SNX27: variants seen among roughly 807,000 people sequenced by gnomAD.
SNX27 encodes the protein sorting nexin 27.
Under a neutral mutation model 71.6 loss-of-function variants are expected in SNX27, and 22 were observed. The observed-to-expected ratio is 0.31, with a 90% CI of 0.22 to 0.44. The LOEUF (loss-of-function observed/expected upper bound fraction) is 0.44, where lower values mean the gene tolerates loss of function less well. SNX27 is among the 20% of genes least tolerant of loss of function. The pLI is 1.00. For synonymous variants in SNX27, 269 were observed against 277.2 expected (o/e 0.97, Z 0.29); for missense variants, 531 against 698.6 (o/e 0.76, Z 2.70).
Position 151,639,027 on chromosome 1 carries a change from G to C in SNX27, c.451G>C (p.Gly151Arg), listed in dbSNP as rs368126132. Reference sequence around the variant, plus strand: ...CCTAGATCCCAGTGACGACTCGTTGGGACAATCATTTTATGATTACACAGA... The same window carrying C: ...CCTAGATCCCAGTGACGACTCGTTGCGACAATCATTTTATGATTACACAGA... ...DNLDPSDDSL[G>R]QSFYDYTEKQ... The change falls in exon 2 of 12, where the codon GGA (glycine) becomes CGA (arginine). Residue 151 changes from glycine (G) to arginine (R), a missense_variant. By Grantham distance (125) the Gly-to-Arg change is moderately radical. Coordinates refer to ENST00000458013, the MANE Select transcript of SNX27 (RefSeq NM_001330723.2). 1 of 1,614,084 alleles carries C rather than the reference G, an allele frequency of 6.2e-7. No individual in the cohort carries two copies. Among genetic ancestry groups the C allele is most frequent in the Non-Finnish European group, 8.5e-7 (1 of 1,180,036 alleles).
At chr1:151,648,886 T>G (rs1283863461) in intron 2 of SNX27, among the ~76,000 whole-genome samples, 1 of 152,196 alleles carries the variant, frequency 6.6e-6, no homozygotes, top group Non-Finnish European at 1.5e-5. Flanking sequence ...AAGTCTTCAT[T>G]TCACCTTTAT....
chr1:151,680,161 T>C (rs1311737457), intron 7 of SNX27: 1 of 150,842 alleles, frequency 6.6e-6, no homozygotes, highest in South Asian at 2.1e-4. Flanking sequence ...TCTTTTTTTT[T>C]TTTTTTTTGA....
intron 2 of SNX27, among the ~76,000 whole-genome samples, chr1:151,646,840 T>TGC (rs1558050310): frequency 1.3e-5 from 2 of 151,528 alleles, no homozygotes; most frequent in African/African-American, 4.8e-5. Flanking sequence ...TCTGTGTGTG[T>TGC]GCGTGTGTCA....
intron 7 of SNX27, among the ~76,000 whole-genome samples, chr1:151,680,619 C>T (rs1485145207): frequency 6.6e-6 from 1 of 152,062 alleles, no homozygotes; most frequent in Non-Finnish European, 1.5e-5. Flanking sequence ...TAGTTCTAGG[C>T]GTTAGGGGTA....
chr1:151,683,158 C>A (rs1671043747), intron 7 of SNX27, among the ~76,000 whole-genome samples, 198 bp from the exon 8 acceptor site: 1 of 152,152 alleles, frequency 6.6e-6, no homozygotes, highest in Admixed American at 6.6e-5. Flanking sequence ...CATATGGGGA[C>A]TACAATTTGA....
At chr1:151,651,932 G>C (rs554701730) in intron 2 of SNX27, among the ~76,000 whole-genome samples, 1 of 152,188 alleles carries the variant, frequency 6.6e-6, no homozygotes, top group East Asian at 1.9e-4. Flanking sequence ...GAGTGAACGA[G>C]ACTCCGTCTG....
chr1:151,622,148 AT>A (rs1667703518), intron 1 of SNX27, among the ~76,000 whole-genome samples: 1 of 152,200 alleles, frequency 6.6e-6, no homozygotes, highest in African/African-American at 2.4e-5. Flanking sequence ...AATTGCTCAA[AT>A]TTAATTTGGA....
chr1:151,668,135 G>A (rs1023485911), intron 6 of SNX27, among the ~76,000 whole-genome samples: 2 of 152,212 alleles, frequency 1.3e-5, no homozygotes, highest in African/African-American at 4.8e-5. Flanking sequence ...CACCTATGGT[G>A]TGTGTAGAGA....
intron 2 of SNX27, among the ~76,000 whole-genome samples, chr1:151,656,753 C>G (rs1254886994): frequency 6.6e-6 from 1 of 152,086 alleles, no homozygotes; most frequent in Non-Finnish European, 1.5e-5. Flanking sequence ...AACAAACGAG[C>G]AACTATGATA....
At chr1:151,663,846 AAATG>A (rs1187444628) in intron 5 of SNX27, among the ~76,000 whole-genome samples, 1 of 152,186 alleles carries the variant, frequency 6.6e-6, no homozygotes, top group Non-Finnish European at 1.5e-5. Flanking sequence ...ATCTTTGATC[AAATG>A]AATCGATCCA....
intron 7 of SNX27, among the ~76,000 whole-genome samples, chr1:151,673,857 C>T (rs1229293312): frequency 1.3e-5 from 2 of 152,140 alleles, no homozygotes; most frequent in Admixed American, 1.3e-4. Context: ...ATAGCTACTT[C>T]TGTTCTGTTT....
rs762924986 is a variant in SNX27, at chr1:151,681,235, C to CTTTTTTT, written c.1150-2103_1150-2097dup. On this transcript the variant is annotated intron_variant, in intron 7 of 11. Coordinates refer to ENST00000458013, the MANE Select transcript of SNX27 (RefSeq NM_001330723.2). ...CTAGAAGTTGAATTAGTCTCTCAAT[C>CTTTTTTT]TTTTTTTTTTTTTTTTTTTTTTTTG... Among the ~76,000 whole-genome samples, 534 of 60,684 alleles carry CTTTTTTT rather than the reference C, an allele frequency of 8.8e-3. 72 individuals are homozygous for CTTTTTTT. The highest frequency in any genetic ancestry group is 0.01 in the Non-Finnish European group (323 of 31,678). The allele number at this position is 60,684 out of a possible 152,430, so 39.8% of individuals were successfully genotyped here.
chr1:151,648,872 G>T (rs1271421020), intron 2 of SNX27, among the ~76,000 whole-genome samples: 4 of 151,996 alleles, frequency 2.6e-5, no homozygotes, highest in Non-Finnish European at 5.9e-5. Context: ...TTGTTGATGT[G>T]AAAAAGTCTT....
chr1:151,617,371 C>A (rs541807711), intron 1 of SNX27, among the ~76,000 whole-genome samples: 2 of 152,230 alleles, frequency 1.3e-5, no homozygotes, highest in African/African-American at 4.8e-5. Context: ...CTCCGCCTCC[C>A]GGGTTCAAGC....
At chr1:151,668,366 C>A in intron 6 of SNX27, 106 bp from the exon 7 acceptor site, 2 of 1,026,244 alleles carry the variant, frequency 1.9e-6, no homozygotes, top group Non-Finnish European at 2.8e-6. Flanking sequence ...AGATGATGTT[C>A]TGGTTAATGA....
chr1:151,665,489 T>G (rs1390593837), intron 5 of SNX27, among the ~76,000 whole-genome samples: 1 of 151,638 alleles, frequency 6.6e-6, no homozygotes, highest in African/African-American at 2.4e-5. Flanking sequence ...AATATATAGT[T>G]TTTTTGTGTT....
At chr1:151,629,142 A>G (rs1448455001) in intron 1 of SNX27, among the ~76,000 whole-genome samples, 2 of 151,850 alleles carry the variant, frequency 1.3e-5, no homozygotes, top group African/African-American at 2.4e-5. Flanking sequence ...CATTGGCTCA[A>G]ACATTTCTAG....
At chr1:151,664,422 A>G (rs533523344) in intron 5 of SNX27, among the ~76,000 whole-genome samples, 1 of 152,004 alleles carries the variant, frequency 6.6e-6, no homozygotes, top group South Asian at 2.1e-4. Context: ...TTTTGGTACA[A>G]TAAGATGTCC....
intron 7 of SNX27, among the ~76,000 whole-genome samples, chr1:151,682,396 A>G (rs1358361890): frequency 6.6e-6 from 1 of 152,134 alleles, no homozygotes; most frequent in Non-Finnish European, 1.5e-5. Context: ...ATCTCAGCTC[A>G]CTGCAACCTC....
Sources: gnomAD v4.1 joint callset for allele counts (sites outside exome capture counted in the v4.1 genomes callset) on GRCh38, gnomAD v4.1.1 for gene constraint, MANE v1.5 for transcripts, NCBI Gene and HGNC (gene_info 2026-07-23, HGNC 2026-07-21) for gene names.